IPO7: variants seen among roughly 807,000 people sequenced by gnomAD.
IPO7 encodes the protein importin-7.
In IPO7, 13 loss-of-function variants were observed where a neutral mutation model predicts 136.4. The observed-to-expected ratio is 0.10, with a 90% CI of 0.06 to 0.15. IPO7 has a LOEUF of 0.15. Among genes scored for constraint, IPO7 ranks in the 10% least tolerant of loss-of-function variants. The probability of loss-of-function intolerance (pLI) is 1.00; values close to 1 mark genes in which losing one functional copy is unlikely to be tolerated. For synonymous variants in IPO7, 403 were observed against 404.4 expected (o/e 1.00, Z 0.04); for missense variants, 857 against 1,240.6 (o/e 0.69, Z 4.65).
intron 2 of IPO7, among the ~76,000 whole-genome samples, chr11:9,407,352 G>A (rs115135699): frequency 1.3e-5 from 2 of 152,162 alleles, no homozygotes; most frequent in African/African-American, 4.8e-5. Context: ...TCAGGAGAGC[G>A]ACACCATCCT....
At chr11:9,428,811 C>T (rs570604583) in intron 13 of IPO7, 182 bp downstream of exon 13, 1 of 782,034 alleles carries the variant, frequency 1.3e-6, no homozygotes, top group African/African-American at 1.7e-5. Flanking sequence ...TGTCTGGTAG[C>T]AGTGTCTGTC....
chr11:9,406,946 CATCTGCTGGA>C (rs1218524344), intron 2 of IPO7, among the ~76,000 whole-genome samples: 1 of 152,162 alleles, frequency 6.6e-6, no homozygotes, highest in Non-Finnish European at 1.5e-5. Flanking sequence ...ATGGTGGTTT[CATCTGCTGGA>C]TTTCGAATGA....
At chr11:9,387,414 T>C (rs1027462080) in intron 1 of IPO7, among the ~76,000 whole-genome samples, 3 of 152,250 alleles carry the variant, frequency 2.0e-5, no homozygotes, top group African/African-American at 7.2e-5. Flanking sequence ...CTCATTTCCT[T>C]CCATCCCTGT....
At chr11:9,415,791 T>C (rs1328540411) in intron 5 of IPO7, among the ~76,000 whole-genome samples, 1 of 151,090 alleles carries the variant, frequency 6.6e-6, no homozygotes, top group Admixed American at 6.6e-5. Flanking sequence ...TGAGCCGAGA[T>C]CGCACCACTG....
chr11:9,419,545 T>TAAAA (rs1178586532), intron 6 of IPO7, among the ~76,000 whole-genome samples: 103 of 91,696 alleles, frequency 1.1e-3, no homozygotes, highest in African/African-American at 3.4e-3. Flanking sequence ...AGACTCTGTC[T>TAAAA]AAAAAAAAAA....
In IPO7 at chr11:9,425,015, A is replaced by G. The variant is rs777273027; in HGVS notation, c.1218+25A>G. On this transcript the variant is annotated intron_variant, in intron 11 of 24. Coordinates refer to ENST00000379719, the MANE Select transcript of IPO7 (RefSeq NM_006391.3). ...GGTAGGCTTATTTAATGTTTAGATAACTTTTCTGTATTATTTAAAATTTAT... is the reference window on the plus strand; with the variant it reads ...GGTAGGCTTATTTAATGTTTAGATAGCTTTTCTGTATTATTTAAAATTTAT... 34 of 1,452,398 alleles carry G rather than the reference A, an allele frequency of 2.3e-5. 1 individual carries two copies. The South Asian group carries it at 3.4e-4, about 14-fold the overall frequency. The allele number at this position is 1,452,398 out of a possible 1,614,324, so 90.0% of individuals were successfully genotyped here.
At chr11:9,439,774 C>T (rs551497394) in intron 22 of IPO7, among the ~76,000 whole-genome samples, 45 of 152,178 alleles carry the variant, frequency 3.0e-4, no homozygotes, top group Middle Eastern at 3.4e-3. Context: ...GGGGTTTCAC[C>T]GTGTTGGCCA....
In IPO7 at chr11:9,427,129, C is replaced by T. The variant is rs575024039; in HGVS notation, c.1336-1411C>T. 4.9e-4 allele frequency among the ~76,000 whole-genome samples: 75 copies of T among 152,258 alleles called. 1 individual carries two copies. Among genetic ancestry groups the T allele is most frequent in the African/African-American group, 1.6e-3 (67 of 41,560 alleles). On this transcript the variant is annotated intron_variant, in intron 12 of 24. Coordinates refer to ENST00000379719, the MANE Select transcript of IPO7 (RefSeq NM_006391.3). The stretch of plus-strand genomic sequence containing the variant: ...CCTCCCAAAGTGCCAGGATTACAGG[C>T]GTGAGCCACTGTGCCTGGCCCTTGC...
intron 1 of IPO7, among the ~76,000 whole-genome samples, chr11:9,387,313 A>G (rs1273460043): frequency 1.3e-5 from 2 of 152,250 alleles, no homozygotes; most frequent in Non-Finnish European, 2.9e-5. Context: ...TAGTATAGAC[A>G]GTTTCGAAAC....
chr11:9,442,231 G>A (rs1855468515), intron 24 of IPO7, 34 bp downstream of exon 24: 1 of 946,938 alleles, frequency 1.1e-6, no homozygotes, highest in Admixed American at 2.0e-5. Flanking sequence ...TCTTTAATTA[G>A]TGACTTTTAT....
chr11:9,423,310 T>C (rs1855159756), intron 9 of IPO7, among the ~76,000 whole-genome samples, 170 bp downstream of exon 9: 1 of 152,224 alleles, frequency 6.6e-6, no homozygotes, highest in South Asian at 2.1e-4. Flanking sequence ...CATAAAGTTA[T>C]GAGAGGTATC....
intron 1 of IPO7, among the ~76,000 whole-genome samples, chr11:9,385,588 C>G (rs1200822253): frequency 6.6e-6 from 1 of 152,176 alleles, no homozygotes; most frequent in Non-Finnish European, 1.5e-5. Context: ...AGTCGCTTAA[C>G]CTCTTGATCC....
intron 24 of IPO7, among the ~76,000 whole-genome samples, chr11:9,442,897 C>G (rs141403477): frequency 5.5e-4 from 83 of 152,216 alleles, no homozygotes; most frequent in African/African-American, 1.5e-3. Flanking sequence ...GTGGCACATG[C>G]CTATATTCCC....
At chr11:9,431,935 A>T (rs1855299991) in intron 16 of IPO7, among the ~76,000 whole-genome samples, 1 of 152,162 alleles carries the variant, frequency 6.6e-6, no homozygotes, top group African/African-American at 2.4e-5. Context: ...AGATCGCGCC[A>T]CTGCACTCCA....
chr11:9,429,284 G>A, intron 14 of IPO7, 88 bp downstream of exon 14: 1 of 1,132,614 alleles, frequency 8.8e-7, no homozygotes, highest in Non-Finnish European at 1.3e-6. Flanking sequence ...GTAGGCTTAG[G>A]TGGGAAGAGC....
At chr11:9,427,410 G>GC (rs781349571) in intron 12 of IPO7, among the ~76,000 whole-genome samples, 58 of 151,990 alleles carry the variant, frequency 3.8e-4, no homozygotes, top group Non-Finnish European at 7.5e-4. Flanking sequence ...GCAGACACCT[G>GC]CCACCACACC....
chr11:9,397,341 A>AAAAAAAAATATATATATATATATAT lies in IPO7; in HGVS notation c.85-5948_85-5947insAAAAAAATATATATATATATATATA. Among the ~76,000 whole-genome samples, 25 of 10,746 alleles carry AAAAAAAAATATATATATATATATAT rather than the reference A, an allele frequency of 2.3e-3. 2 individuals carry two copies. Among genetic ancestry groups the AAAAAAAAATATATATATATATATAT allele is most frequent in the African/African-American group, 5.3e-3 (21 of 3,972 alleles). The allele number at this position is 10,746 out of a possible 152,430, so 7.0% of individuals were successfully genotyped here. The stretch of plus-strand genomic sequence containing the variant: ...CTTTACTAAAAATAATTTAAAAAAA[A>AAAAAAAAATATATATATATATATAT]ATATATATATATATATATATATATT... On this transcript the variant is annotated intron_variant, in intron 1 of 24. Coordinates refer to ENST00000379719, the MANE Select transcript of IPO7 (RefSeq NM_006391.3).
At chr11:9,432,279 G>A (rs954057771) in intron 16 of IPO7, among the ~76,000 whole-genome samples, 1 of 147,658 alleles carries the variant, frequency 6.8e-6, no homozygotes, top group Non-Finnish European at 1.5e-5. Context: ...TTGGCTCACC[G>A]CAACCTCTGC....
chr11:9,390,083 G>A (rs1182273189), intron 1 of IPO7, among the ~76,000 whole-genome samples: 1 of 152,144 alleles, frequency 6.6e-6, no homozygotes, highest in Non-Finnish European at 1.5e-5. Flanking sequence ...TAGAGACGGG[G>A]TTTCGCCATG....
Sources: allele counts gnomAD v4.1 joint callset (sites outside exome capture counted in the v4.1 genomes callset), GRCh38; gene constraint gnomAD v4.1.1; transcripts MANE v1.5; gene names NCBI Gene and HGNC (gene_info 2026-07-23, HGNC 2026-07-21).